MMEL1: variants seen among roughly 807,000 people sequenced by gnomAD.
MMEL1 encodes the protein membrane metallo-endopeptidase-like 1.
Under a neutral mutation model 117.1 loss-of-function variants are expected in MMEL1, and 98 were observed. That is an observed-to-expected ratio of 0.84 (90% confidence interval 0.71 to 0.99). The LOEUF is 0.99. Ranked by LOEUF, MMEL1 falls within the 50% of genes least tolerant of loss-of-function variation. The pLI, the probability that MMEL1 is intolerant of heterozygous loss-of-function variation, is 0.00. For synonymous variants in MMEL1, 390 were observed against 415.1 expected, an observed-to-expected ratio of 0.94 and a Z score of 0.74; for missense variants, 1,014 against 1,049.1, an observed-to-expected ratio of 0.97 and a Z score of 0.46.
intron 18 of MMEL1, 98 bp downstream of exon 18, chr1:2,594,287 G>GAT: frequency 7.8e-7 from 1 of 1,281,046 alleles, no homozygotes; most frequent in Non-Finnish European, 1.1e-6. Context: ...AACAGGCTGG[G>GAT]GTGCCCCCAG....
Position 2,591,170 on chromosome 1 carries a change from C to T in MMEL1, c.2241-81G>A, listed in dbSNP as rs562088557. 3 of 1,004,138 alleles carry T rather than the reference C, an allele frequency of 3.0e-6. No homozygotes were observed. The African/African-American group carries it at 4.9e-5, about 16-fold the overall frequency. The allele number at this position is 1,004,138 out of a possible 1,614,324, so 62.2% of individuals were successfully genotyped here. A position where few individuals can be genotyped will look rare whatever the true frequency, so the allele number is the denominator to read the frequency against. ...ATTTTAAGTTCTCCGTGATTAAAAA[C>T]CAGCCCAAAACATCAGCCTAATGGC... On this transcript the variant is annotated intron_variant, in intron 23 of 23. Coordinates refer to ENST00000378412, the MANE Select transcript of MMEL1 (RefSeq NM_033467.4).
At chr1:2,626,355 G>C (rs1255424793) in intron 2 of MMEL1, among the ~76,000 whole-genome samples, 1 of 152,174 alleles carries the variant, frequency 6.6e-6, no homozygotes, top group Non-Finnish European at 1.5e-5. Flanking sequence ...AAGAGAGAAG[G>C]GTTCACAGAC....
Position 2,609,522 on chromosome 1 carries a change from A to G in MMEL1, c.455-103T>C, listed in dbSNP as rs923961367. 2.6e-6 allele frequency: 4 copies of G among 1,510,424 alleles called. No homozygotes were observed. The African/African-American group carries it at 4.1e-5, about 16-fold the overall frequency. The allele number at this position is 1,510,424 out of a possible 1,614,324, so 93.6% of individuals were successfully genotyped here. ...AGTGCTCGGCGAGAGGCGGCCCCCC[A>G]GCTGCTGGGTCTTTATTCCCTCTCC... is the stretch of plus-strand genomic sequence containing the variant. On this transcript the variant is annotated intron_variant, in intron 5 of 23. Coordinates refer to ENST00000378412, the MANE Select transcript of MMEL1 (RefSeq NM_033467.4).
At chr1:2,617,426 CA>C (rs35881431) in intron 2 of MMEL1, among the ~76,000 whole-genome samples, 18,947 of 56,216 alleles carry the variant, frequency 0.34, 1,713 homozygotes, top group East Asian at 0.47. Flanking sequence ...GACTCCGTCT[CA>C]AAAAAAAAAA....
chr1:2,609,076 CACACAG>C (rs1284644880), intron 6 of MMEL1, among the ~76,000 whole-genome samples: 43 of 138,810 alleles, frequency 3.1e-4, no homozygotes, highest in African/African-American at 1.0e-3. Flanking sequence ...CACACACACA[CACACAG>C]TCTTCCTGCA....
In MMEL1 at chr1:2,594,162, G is replaced by T. The variant is rs960978930; in HGVS notation, c.1747+223C>A. 7 of 772,144 alleles carry T rather than the reference G, an allele frequency of 9.1e-6. No individual in the cohort carries two copies. In the African/African-American group the frequency reaches 1.0e-4, roughly 12 times the overall value. 47.8% of individuals were successfully genotyped at this position (772,144 alleles called of 1,614,324 possible). On this transcript the variant is annotated intron_variant, in intron 18 of 23. Coordinates refer to ENST00000378412, the MANE Select transcript of MMEL1 (RefSeq NM_033467.4). ...CGGCCTCCTCCCACCATCCTGTTCT[G>T]CCTGCAGGAAAGGCTCTGGGCCGCC... is the stretch of plus-strand genomic sequence containing the variant.
At position 2,612,245 on chromosome 1, in the gene MMEL1, C is replaced by T; in HGVS notation, c.155-41G>A. 2 of 1,537,818 alleles carry T rather than the reference C, an allele frequency of 1.3e-6. No individual in the cohort carries two copies. ...GCGCTCAGCTGCGGCCTCCTGCCTG[C>T]AGCTCCCTGGGGGTGCTGGGGGCCT... On this transcript the variant is annotated intron_variant, in intron 2 of 23. Coordinates refer to ENST00000378412, the MANE Select transcript of MMEL1 (RefSeq NM_033467.4). This position sits in a 1 kb window ranked among gnomAD's most constrained non-coding sequence, Gnocchi z 5.4.
At chr1:2,598,480 A>C (rs908353920) in intron 12 of MMEL1, among the ~76,000 whole-genome samples, 174 bp downstream of exon 12, 4 of 152,170 alleles carry the variant, frequency 2.6e-5, no homozygotes, top group Non-Finnish European at 5.9e-5. Flanking sequence ...TTGGGATGTG[A>C]CACATTTTTA....
At chr1:2,623,944 T>C (rs1645330415) in intron 2 of MMEL1, among the ~76,000 whole-genome samples, 2 of 152,082 alleles carry the variant, frequency 1.3e-5, no homozygotes, top group African/African-American at 4.8e-5. Flanking sequence ...GGGCAGGAGA[T>C]CCTTGTGGGC....
chr1:2,597,147 G>A (rs1395290441), intron 13 of MMEL1, among the ~76,000 whole-genome samples: 3 of 152,098 alleles, frequency 2.0e-5, no homozygotes, highest in African/African-American at 4.8e-5. Flanking sequence ...AGGGACACAG[G>A]AGCACGAGAC....
chr1:2,593,302 G>A (rs1181803211), intron 19 of MMEL1, among the ~76,000 whole-genome samples: 1 of 152,226 alleles, frequency 6.6e-6, no homozygotes, highest in Non-Finnish European at 1.5e-5. Flanking sequence ...GGCGAGAGGA[G>A]TACGTGGTCC....
intron 1 of MMEL1, among the ~76,000 whole-genome samples, chr1:2,632,028 G>A (rs964437220): frequency 2.8e-4 from 43 of 152,134 alleles, no homozygotes; most frequent in African/African-American, 1.0e-3. Context: ...ACCCTCTTTG[G>A]CCCTCCTCCC....
chr1:2,611,921 C>A (rs529967195), intron 3 of MMEL1, among the ~76,000 whole-genome samples: 1 of 152,152 alleles, frequency 6.6e-6, no homozygotes, highest in Non-Finnish European at 1.5e-5. Context: ...GGAGCAGGTG[C>A]GGAGTGTCCA....
chr1:2,592,826 C>T lies in MMEL1; in HGVS notation c.2001+7G>A, dbSNP rs778838309. ...CCCGCAGCCTGGGTGCTGGTGGCAGCGCTCACGTTCTGTTCGTCTGCCAGG... is the reference window on the plus strand; with the variant it reads ...CCCGCAGCCTGGGTGCTGGTGGCAGTGCTCACGTTCTGTTCGTCTGCCAGG... On this transcript the variant is annotated splice_region_variant and intron_variant, in intron 20 of 23. Coordinates refer to ENST00000378412, the MANE Select transcript of MMEL1 (RefSeq NM_033467.4). The T allele has an allele frequency of 1.5e-5, 25 of 1,613,236 alleles. No homozygotes were observed. The highest frequency in any genetic ancestry group is 3.3e-5 in the Admixed American group (2 of 59,960).
intron 6 of MMEL1, among the ~76,000 whole-genome samples, chr1:2,608,629 C>A (rs1034896500): frequency 6.6e-6 from 1 of 151,948 alleles, no homozygotes; most frequent in Non-Finnish European, 1.5e-5. Flanking sequence ...CACATACATG[C>A]ACACACAACA....
At chr1:2,628,794 T>A (rs1193416481) in intron 2 of MMEL1, among the ~76,000 whole-genome samples, 2 of 152,026 alleles carry the variant, frequency 1.3e-5, no homozygotes, top group African/African-American at 4.8e-5. Context: ...GACCCCAGAC[T>A]GGCCCCTTCC....
intron 2 of MMEL1, among the ~76,000 whole-genome samples, chr1:2,615,947 A>G (rs532691978): frequency 6.6e-6 from 1 of 152,316 alleles, no homozygotes; most frequent in East Asian, 1.9e-4. Context: ...AAGCTGGGCA[A>G]ATACAAAGAA....
At chr1:2,596,217 G>C in intron 14 of MMEL1, 110 bp from the exon 15 acceptor site, 1 of 1,030,290 alleles carries the variant, frequency 9.7e-7, no homozygotes. Flanking sequence ...AAGGCCCAGG[G>C]CTGCCCAGCT....
rs1644673481 is a variant in MMEL1 at position 2,590,844 on chromosome 1, C to T, written c.*146G>A. The T allele has an allele frequency of 1.7e-6, 1 of 571,506 alleles. No homozygotes were observed. Among genetic ancestry groups the T allele is most frequent in the Non-Finnish European group, 2.8e-6 (1 of 359,284 alleles). 35.4% of individuals were successfully genotyped at this position (571,506 alleles called of 1,614,324 possible). A position where few individuals can be genotyped will look rare whatever the true frequency, so the allele number is the denominator to read the frequency against. On this transcript the variant is annotated 3_prime_UTR_variant, in exon 24 of 24. Transcript: ENST00000378412. ...CTGGGTGTCAGGCAGGTGGCTGCAC[C>T]CTAGGCCAGGCGCAGAGGCCTGGCA... is the stretch of plus-strand genomic sequence containing the variant.
Sources: gnomAD v4.1 joint callset for allele counts (sites outside exome capture counted in the v4.1 genomes callset) on GRCh38, gnomAD v4.1.1 for gene constraint, Gnocchi (gnomAD v3.1) non-coding constraint, MANE v1.5 for transcripts, NCBI Gene and HGNC (gene_info 2026-07-23, HGNC 2026-07-21) for gene names.